The following CASZ1 variants were observed in gnomAD, a reference collection of about 807,000 sequenced individuals.
CASZ1 encodes the protein zinc finger protein castor homolog 1.
In CASZ1, 28 loss-of-function variants were observed where a neutral mutation model predicts 135.2. The ratio of observed to expected loss-of-function variants is 0.21; its 90% CI spans 0.15 to 0.28. CASZ1 has a LOEUF of 0.28. Ranked by LOEUF, CASZ1 falls within the 10% of genes least tolerant of loss-of-function variation. The probability of loss-of-function intolerance (pLI) is 1.00; values close to 1 mark genes in which losing one functional copy is unlikely to be tolerated. For missense variants in CASZ1, 2,161 were observed against 2,453.3 expected, an observed-to-expected ratio of 0.88 and a Z score of 2.52; for synonymous variants, 1,068 against 1,073.4, an observed-to-expected ratio of 0.99 and a Z score of 0.10.
chr1:10,694,332 TAATC>T lies in CASZ1; in HGVS notation c.-23-424_-23-421del, dbSNP rs2100412647. On this transcript the variant is annotated intron_variant, in intron 3 of 20. Coordinates refer to ENST00000377022, the MANE Select transcript of CASZ1 (RefSeq NM_001079843.3). The surrounding 1 kb of genome is among the most constrained non-coding windows in gnomAD (Gnocchi z 6.6). ...GAGTCGAAAGCCGAATTCACTTAAATAATCAACTTTCATAATACTTAATTAATGC... is the reference window on the plus strand; with the variant it reads ...GAGTCGAAAGCCGAATTCACTTAAATAACTTTCATAATACTTAATTAATGC... 1 of 1,156,612 alleles carries T rather than the reference TAATC, an allele frequency of 8.6e-7. No homozygotes were observed. The allele number at this position is 1,156,612 out of a possible 1,614,324, so 71.6% of individuals were successfully genotyped here.
rs533824270 is a variant in CASZ1 at position 10,666,780 on chromosome 1, G to T, written c.17-1209C>A. 3.3e-5 allele frequency among the ~76,000 whole-genome samples: 5 copies of T among 152,292 alleles called. No homozygotes were observed. In the South Asian group the frequency reaches 1.0e-3, roughly 32 times the overall value. On this transcript the variant is annotated intron_variant, in intron 4 of 20. Coordinates refer to ENST00000377022, the MANE Select transcript of CASZ1 (RefSeq NM_001079843.3). The surrounding 1 kb of genome is among the most constrained non-coding windows in gnomAD (Gnocchi z 5.2). ...GGGACCTGCCACAAAGGCTGGCGAG[G>T]GTGGACACACACACACGCACACACA...
chr1:10,656,018 T>C (rs1339062401), intron 8 of CASZ1, among the ~76,000 whole-genome samples: 1 of 152,158 alleles, frequency 6.6e-6, no homozygotes, highest in East Asian at 1.9e-4. Flanking sequence ...TCTAGGACCA[T>C]AGATTCTTCC....
At chr1:10,753,576 G>T (rs556947552) in intron 2 of CASZ1, among the ~76,000 whole-genome samples, 3 of 152,306 alleles carry the variant, frequency 2.0e-5, no homozygotes, top group Admixed American at 6.5e-5. Flanking sequence ...AACAACATGC[G>T]CTTGGACTTC....
Position 10,646,356 on chromosome 1 carries a change from T to C in CASZ1, c.3498-30A>G, listed in dbSNP as rs1178671740. The C allele has an allele frequency of 3.1e-6, 5 of 1,609,514 alleles. No individual in the cohort carries two copies. Among genetic ancestry groups the C allele is most frequent in the East Asian group, 2.2e-5 (1 of 44,824 alleles). Reference sequence around the variant, plus strand: ...AAGGAAACCACAGCCCAGAAGGTCATTGCCATTCTCAAGCCCTCCCTGCTG... The same window carrying C: ...AAGGAAACCACAGCCCAGAAGGTCACTGCCATTCTCAAGCCCTCCCTGCTG... On this transcript the variant is annotated intron_variant, in intron 16 of 20. Transcript: ENST00000377022. The surrounding 1 kb of genome is among the most constrained non-coding windows in gnomAD (Gnocchi z 6.4).
At chr1:10,675,021 CGCAA>C (rs1557495588) in intron 4 of CASZ1, among the ~76,000 whole-genome samples, 2 of 152,062 alleles carry the variant, frequency 1.3e-5, no homozygotes, top group African/African-American at 4.8e-5. Context: ...AGATACCCCC[CGCAA>C]CCAACTGTCA....
Position 10,721,681 on chromosome 1 carries a change from C to A in CASZ1, c.-76-16137G>T, listed in dbSNP as rs1403566491. Among the ~76,000 whole-genome samples, 1 of 152,198 alleles carries A rather than the reference C, an allele frequency of 6.6e-6. No individual in the cohort carries two copies. The highest frequency in any genetic ancestry group is 1.5e-5 in the Non-Finnish European group (1 of 68,028). On this transcript the variant is annotated intron_variant, in intron 2 of 20. Transcript: ENST00000377022. The surrounding 1 kb of genome is among the most constrained non-coding windows in gnomAD (Gnocchi z 5.4). ...CAGTGACCTCCCCTCCTAAGCTGCACCTCACCACTGACCTGCAAGTGCCGA... is the reference window on the plus strand; with the variant it reads ...CAGTGACCTCCCCTCCTAAGCTGCAACTCACCACTGACCTGCAAGTGCCGA...
At chr1:10,698,293 A>G (rs373966698) in intron 3 of CASZ1, among the ~76,000 whole-genome samples, 4 of 152,280 alleles carry the variant, frequency 2.6e-5, no homozygotes, top group Non-Finnish European at 5.9e-5. Flanking sequence ...GGAAAATTAT[A>G]GTGAAATTCA....
intron 1 of CASZ1, among the ~76,000 whole-genome samples, chr1:10,785,135 T>TCTTTCCTTCCTCCCTCCCTTCCTCCCTC (rs1553143550): frequency 3.7e-5 from 5 of 133,872 alleles, no homozygotes; most frequent in African/African-American, 1.4e-4. Context: ...CTTTCTTCCT[T>TCTTTCCTTCCTCCCTCCCTTCCTCCCTC]CCTTCCTCCC....
chr1:10,729,237 C>T (rs1448897372), intron 2 of CASZ1, among the ~76,000 whole-genome samples: 2 of 152,162 alleles, frequency 1.3e-5, no homozygotes, highest in Admixed American at 6.5e-5. Flanking sequence ...CCAAGACAGG[C>T]CTGCGCTGGC....
At chr1:10,687,599 T>A (rs916039974) in intron 4 of CASZ1, among the ~76,000 whole-genome samples, 2 of 152,142 alleles carry the variant, frequency 1.3e-5, no homozygotes, top group African/African-American at 2.4e-5. Flanking sequence ...GCTGGAGGGA[T>A]CCCGGAAGCG....
At chr1:10,659,364 C>G (rs1053976843) in intron 6 of CASZ1, among the ~76,000 whole-genome samples, 5 of 152,198 alleles carry the variant, frequency 3.3e-5, no homozygotes, top group African/African-American at 1.2e-4. Flanking sequence ...TAGCAAAAGG[C>G]AGAGCACACT....
intron 11 of CASZ1, 169 bp from the exon 12 acceptor site, chr1:10,651,245 ATTC>A (rs918273666): frequency 5.4e-6 from 2 of 369,964 alleles, no homozygotes; most frequent in Non-Finnish European, 9.2e-6. Flanking sequence ...CTGTGTGGCA[ATTC>A]TTCAAGTGAT....
In CASZ1 at chr1:10,706,344, C is replaced by G. The variant is rs955551614; in HGVS notation, c.-76-800G>C. ...AAAACACAGGGAGTCCCCCCGCCAG[C>G]CTGCTGGCCAGGCCCCCCAACCCTT... is the stretch of plus-strand genomic sequence containing the variant. On this transcript the variant is annotated intron_variant, in intron 2 of 20. Coordinates refer to ENST00000377022, the MANE Select transcript of CASZ1 (RefSeq NM_001079843.3). The surrounding 1 kb of genome is among the most constrained non-coding windows in gnomAD (Gnocchi z 4.3). Among the ~76,000 whole-genome samples, 2 of 152,220 alleles carry G rather than the reference C, an allele frequency of 1.3e-5. No individual in the cohort carries two copies. Among genetic ancestry groups the G allele is most frequent in the Non-Finnish European group, 2.9e-5 (2 of 68,030 alleles).
Position 10,649,278 on chromosome 1 carries a change from C to T in CASZ1, c.3035+5G>A, listed in dbSNP as rs1642477567. 1.9e-6 allele frequency: 3 copies of T among 1,599,874 alleles called. No homozygotes were observed. The African/African-American group carries it at 4.0e-5, about 21-fold the overall frequency. ...GATGGGTGGACGCGGCCAGCAGCCC[C>T]TCACCTGCGCAGGTACACCTTCCAG... On this transcript the variant is annotated splice_donor_5th_base_variant and intron_variant, in intron 14 of 20. Transcript: ENST00000377022.
At chr1:10,728,350 T>G (rs944893368) in intron 2 of CASZ1, among the ~76,000 whole-genome samples, 3 of 152,212 alleles carry the variant, frequency 2.0e-5, no homozygotes, top group Non-Finnish European at 2.9e-5. Flanking sequence ...ACCATCATTT[T>G]ATGGACCACG....
In CASZ1 at chr1:10,700,111, A is replaced by ACACACACACACACACCCACCCACC. The variant is rs1212625170; in HGVS notation, c.-24+5380_-24+5381insGGTGGGTGGGTGTGTGTGTGTGTG. ...CACACACACACACACACACACACACACACACAGAGTATGAAGCAGGGACCT... is the reference window on the plus strand; with the variant it reads ...CACACACACACACACACACACACACACACACACACACACACCCACCCACCCACACAGAGTATGAAGCAGGGACCT... On this transcript the variant is annotated intron_variant, in intron 3 of 20. Coordinates refer to ENST00000377022, the MANE Select transcript of CASZ1 (RefSeq NM_001079843.3). The surrounding 1 kb of genome is among the most constrained non-coding windows in gnomAD (Gnocchi z 4.2). Among the ~76,000 whole-genome samples, 6 of 152,024 alleles carry ACACACACACACACACCCACCCACC rather than the reference A, an allele frequency of 3.9e-5. No homozygotes were observed. The East Asian group carries it at 1.2e-3, about 30-fold the overall frequency.
intron 15 of CASZ1, 105 bp from the exon 16 acceptor site, chr1:10,648,244 C>T (rs1642438852): frequency 2.4e-6 from 2 of 819,704 alleles, no homozygotes; most frequent in African/African-American, 1.7e-5. Flanking sequence ...TCCGTCCCTA[C>T]TCGTCCCCAT....
rs1030823144 is a variant in CASZ1 at position 10,717,738 on chromosome 1, C to G, written c.-76-12194G>C. 6.6e-6 allele frequency among the ~76,000 whole-genome samples: 1 copy of G among 152,172 alleles called. No individual in the cohort carries two copies. Among genetic ancestry groups the G allele is most frequent in the East Asian group, 1.9e-4 (1 of 5,194 alleles). On this transcript the variant is annotated intron_variant, in intron 2 of 20. Coordinates refer to ENST00000377022, the MANE Select transcript of CASZ1 (RefSeq NM_001079843.3). The surrounding 1 kb of genome is among the most constrained non-coding windows in gnomAD (Gnocchi z 4.6). Reference sequence around the variant, plus strand: ...GTCAGAGCTGCCGGCACCCTGAACTCGGTCCCAGGGCGTGGCATGGGGCTT... The same window carrying G: ...GTCAGAGCTGCCGGCACCCTGAACTGGGTCCCAGGGCGTGGCATGGGGCTT...
intron 4 of CASZ1, among the ~76,000 whole-genome samples, chr1:10,688,764 G>A (rs1467358720): frequency 6.6e-6 from 1 of 152,164 alleles, no homozygotes; most frequent in Non-Finnish European, 1.5e-5. Context: ...GCAGCCAGAG[G>A]GGTGTGCGCT....
Sources: allele counts gnomAD v4.1 joint callset (sites outside exome capture counted in the v4.1 genomes callset), GRCh38; gene constraint gnomAD v4.1.1; non-coding constraint Gnocchi (gnomAD v3.1); transcripts MANE v1.5; gene names NCBI Gene and HGNC (gene_info 2026-07-23, HGNC 2026-07-21).